GNA14: variants seen among roughly 807,000 people sequenced by gnomAD.
GNA14 encodes G protein subunit alpha 14.
A neutral mutation model predicts 42.0 loss-of-function variants in GNA14; 50 were observed. That is an observed-to-expected ratio of 1.19 (90% CI 0.95 to 1.51). The LOEUF (loss-of-function observed/expected upper bound fraction) is 1.51, where lower values mean the gene tolerates loss of function less well. Among genes scored for constraint, GNA14 ranks in the 40% most tolerant of loss-of-function variants. GNA14 has a pLI of 0.00. For synonymous variants in GNA14, 173 were observed against 163.1 expected (o/e 1.06, Z -0.46); for missense variants, 473 against 446.2 (o/e 1.06, Z -0.54).
intron 1 of GNA14, among the ~76,000 whole-genome samples, chr9:77,627,230 G>T (rs1347295663): frequency 6.6e-6 from 1 of 152,116 alleles, no homozygotes; most frequent in African/African-American, 2.4e-5. Context: ...CTGAAATTGA[G>T]GCAGTAATTA....
chr9:77,525,792 C>G (rs1490625004), intron 2 of GNA14, among the ~76,000 whole-genome samples: 1 of 151,944 alleles, frequency 6.6e-6, no homozygotes, highest in Non-Finnish European at 1.5e-5. Context: ...CCTGCCTCGG[C>G]CTCCCAAAGT....
intron 1 of GNA14, among the ~76,000 whole-genome samples, chr9:77,637,983 C>T (rs1255589154): frequency 2.0e-5 from 3 of 151,586 alleles, no homozygotes; most frequent in Non-Finnish European, 4.4e-5. Flanking sequence ...TATTAAATAT[C>T]AAATGTAGTC....
At chr9:77,584,812 A>G (rs1823276276) in intron 1 of GNA14, among the ~76,000 whole-genome samples, 1 of 152,130 alleles carries the variant, frequency 6.6e-6, no homozygotes, top group Admixed American at 6.6e-5. Flanking sequence ...TATATACTAA[A>G]TAAGGGGTGA....
chr9:77,506,032 G>A (rs1451525365), intron 2 of GNA14, among the ~76,000 whole-genome samples: 1 of 151,972 alleles, frequency 6.6e-6, no homozygotes, highest in African/African-American at 2.4e-5. Context: ...GGAAGGCCGA[G>A]GTGGGAGGAT....
chr9:77,545,397 C>T (rs1356003311), intron 1 of GNA14, among the ~76,000 whole-genome samples: 2 of 152,148 alleles, frequency 1.3e-5, no homozygotes, highest in African/African-American at 4.8e-5. Flanking sequence ...CTCTTGAAGT[C>T]CTTCTCAGAA....
At position 77,454,287 on chromosome 9, in the gene GNA14, C is replaced by T. The variant is rs76474592; in HGVS notation, c.310-19765G>A. On this transcript the variant is annotated intron_variant, in intron 2 of 6. Transcript: ENST00000341700. ...AAGGAGGAAGTCTCAGATTCTACCC[C>T]TAAACTTGTCAGTCTGATCTACTTC... Among the ~76,000 whole-genome samples the T allele has an allele frequency of 2.2e-3, 339 of 152,328 alleles. 3 individuals are homozygous for T. The highest frequency in any genetic ancestry group is 6.6e-3 in the African/African-American group (275 of 41,568).
At chr9:77,517,241 G>A (rs1837272088) in intron 2 of GNA14, among the ~76,000 whole-genome samples, 1 of 152,198 alleles carries the variant, frequency 6.6e-6, no homozygotes, top group African/African-American at 2.4e-5. Context: ...GTGTGGAGAT[G>A]TGTAGGAGTG....
chr9:77,434,343 C>A (rs201790436), intron 3 of GNA14, 25 bp downstream of exon 3: 9 of 1,588,926 alleles, frequency 5.7e-6, no homozygotes, highest in African/African-American at 2.7e-5. Context: ...GCACCGCGGG[C>A]GGCCAGGGTG....
At chr9:77,526,352 G>T (rs1219289242) in intron 2 of GNA14, 1 of 152,154 alleles carries the variant, frequency 6.6e-6, no homozygotes. Flanking sequence ...GGGAGCCAGA[G>T]GGGTTGAATT....
chr9:77,546,680 A>C (rs1432068098), intron 1 of GNA14, among the ~76,000 whole-genome samples: 1 of 152,196 alleles, frequency 6.6e-6, no homozygotes, highest in South Asian at 2.1e-4. Context: ...AGAATTTTTC[A>C]ATGTATCTCT....
chr9:77,586,786 A>AC (rs1823310920), intron 1 of GNA14, among the ~76,000 whole-genome samples: 1 of 152,164 alleles, frequency 6.6e-6, no homozygotes, highest in Middle Eastern at 3.2e-3. Context: ...TAGGTTCTCT[A>AC]CCTGGCCAGC....
At position 77,434,507 on chromosome 9, in the gene GNA14, T is replaced by C. The variant is rs762011229; in HGVS notation, c.325A>G (p.Ile109Val). The C allele has an allele frequency of 1.9e-6, 3 of 1,613,388 alleles. No individual in the cohort carries two copies. The highest frequency in any genetic ancestry group is 1.7e-6 in the Non-Finnish European group (2 of 1,179,748). The change falls in exon 3 of 7, where the codon ATC becomes GTC. Residue 109 changes from isoleucine to valine, a missense_variant. By Grantham distance (29) the Ile-to-Val change is conservative. Coordinates refer to ENST00000341700, the MANE Select transcript of GNA14 (RefSeq NM_004297.4). Reference sequence around the variant, plus strand: ...ACCTTGTCCACTTCCACTTCTCTGATTATCTGGGCATTTTCCTACTCAAAG... The same window carrying C: ...ACCTTGTCCACTTCCACTTCTCTGACTATCTGGGCATTTTCCTACTCAAAG... ...CEQNKENAQI[I>V]REVEVDKVSM...
chr9:77,462,385 C>T (rs903304303), intron 2 of GNA14, among the ~76,000 whole-genome samples: 1 of 152,170 alleles, frequency 6.6e-6, no homozygotes, highest in Admixed American at 6.5e-5. Flanking sequence ...TATGCTCCCC[C>T]TTTCCTGGTC....
intron 1 of GNA14, among the ~76,000 whole-genome samples, chr9:77,551,099 T>G (rs1035140918): frequency 3.3e-5 from 5 of 152,188 alleles, no homozygotes; most frequent in Non-Finnish European, 7.3e-5. Context: ...AGGGAAAATT[T>G]TCAACCTTTT....
intron 2 of GNA14, among the ~76,000 whole-genome samples, chr9:77,493,107 A>G (rs1836813247): frequency 6.7e-6 from 1 of 148,748 alleles, no homozygotes; most frequent in African/African-American, 2.5e-5. Context: ...ACTCACTAAC[A>G]GTGGTGGTGT....
At position 77,554,221 on chromosome 9, in the gene GNA14, G is replaced by A. The variant is rs534339749; in HGVS notation, c.125-24968C>T. Among the ~76,000 whole-genome samples the A allele has an allele frequency of 3.3e-4, 50 of 152,282 alleles. 1 individual carries two copies. In the South Asian group the frequency reaches 9.9e-3, roughly 30 times the overall value. Reference sequence around the variant, plus strand: ...TTTAAAAGTGTCTCTGTTACTTTCAGGTGAAGATGATTTGGATTATTTTTA... The same window carrying A: ...TTTAAAAGTGTCTCTGTTACTTTCAAGTGAAGATGATTTGGATTATTTTTA... On this transcript the variant is annotated intron_variant, in intron 1 of 6. Transcript: ENST00000341700.
At chr9:77,533,752 A>G (rs528646600) in intron 1 of GNA14, among the ~76,000 whole-genome samples, 28 of 152,252 alleles carry the variant, frequency 1.8e-4, no homozygotes, top group African/African-American at 6.7e-4. Context: ...AACTTGAGAT[A>G]TTTCCTTTTC....
intron 1 of GNA14, among the ~76,000 whole-genome samples, chr9:77,607,229 T>C (rs1365406219): frequency 1.3e-5 from 2 of 152,120 alleles, no homozygotes; most frequent in Non-Finnish European, 2.9e-5. Flanking sequence ...ACCACAGAAT[T>C]AGAGTAAGAG....
At chr9:77,446,211 CTG>C (rs1177287129) in intron 2 of GNA14, among the ~76,000 whole-genome samples, 1 of 152,204 alleles carries the variant, frequency 6.6e-6, no homozygotes, top group African/African-American at 2.4e-5. Context: ...GCACAATCAG[CTG>C]TGAGAAATCT....
Sources: allele counts gnomAD v4.1 joint callset (sites outside exome capture counted in the v4.1 genomes callset), GRCh38; gene constraint gnomAD v4.1.1; transcripts MANE v1.5; gene names NCBI Gene and HGNC (gene_info 2026-07-23, HGNC 2026-07-21).